The following TENM2 variants were observed in gnomAD, a reference collection of about 807,000 sequenced individuals.
The protein encoded by TENM2 is teneurin-2.
A neutral mutation model predicts 245.2 loss-of-function variants in TENM2; 52 were observed. That is an observed-to-expected ratio of 0.21 (90% CI 0.17 to 0.27). The LOEUF (loss-of-function observed/expected upper bound fraction) is 0.27, where lower values mean the gene tolerates loss of function less well. Among genes scored for constraint, TENM2 ranks in the 10% least tolerant of loss-of-function variants. The pLI is 1.00. For synonymous variants in TENM2, 1,363 were observed against 1,438.9 expected (o/e 0.95, Z 1.19); for missense variants, 3,046 against 3,666.8 (o/e 0.83, Z 4.37).
At chr5:168,054,900 C>T (rs1789409945) in intron 6 of TENM2, among the ~76,000 whole-genome samples, 1 of 152,146 alleles carries the variant, frequency 6.6e-6, no homozygotes, top group Admixed American at 6.6e-5. Flanking sequence ...ATGAACTAGC[C>T]AGAACAATTG....
chr5:167,687,197 G>T (rs1042208012), intron 2 of TENM2, among the ~76,000 whole-genome samples: 1 of 152,108 alleles, frequency 6.6e-6, no homozygotes, highest in East Asian at 1.9e-4. Flanking sequence ...GTTTAAGTTT[G>T]ATTTCTTTAA....
chr5:167,407,337 T>C (rs1303268134), intron 2 of TENM2, among the ~76,000 whole-genome samples: 3 of 152,154 alleles, frequency 2.0e-5, no homozygotes, highest in African/African-American at 7.2e-5. Context: ...TTTAGCAAAC[T>C]AGAACATAGG....
chr5:168,180,037 A>C (rs1759726375), intron 13 of TENM2, among the ~76,000 whole-genome samples: 1 of 152,162 alleles, frequency 6.6e-6, no homozygotes, highest in Non-Finnish European at 1.5e-5. Context: ...CTGAACTGAT[A>C]TGCTAGTAGT....
the TENM2 span, among the ~76,000 whole-genome samples, chr5:167,180,991 T>C: frequency 6.6e-6 from 1 of 151,896 alleles, no homozygotes; most frequent in Admixed American, 6.6e-5. Context: ...CCACATGTAA[T>C]GGGACCTACG....
intron 4 of TENM2, among the ~76,000 whole-genome samples, chr5:167,975,148 G>A (rs73375621): frequency 1.3e-4 from 20 of 152,278 alleles, no homozygotes; most frequent in African/African-American, 2.6e-4. Flanking sequence ...ACCATGCCTC[G>A]GCTTGTCCAA....
intron 4 of TENM2, among the ~76,000 whole-genome samples, chr5:167,979,010 A>G (rs1318924349): frequency 1.3e-5 from 2 of 152,226 alleles, no homozygotes; most frequent in Admixed American, 1.3e-4. Flanking sequence ...AAGTCACAAC[A>G]CAAAATACCC....
intron 2 of TENM2, among the ~76,000 whole-genome samples, chr5:167,756,187 C>A (rs780945416): frequency 2.0e-5 from 3 of 152,098 alleles, no homozygotes; most frequent in Non-Finnish European, 4.4e-5. Context: ...TAGACACAAC[C>A]AAACAAACCT....
chr5:167,900,931 G>T (rs112822331), intron 3 of TENM2, among the ~76,000 whole-genome samples: 11 of 152,100 alleles, frequency 7.2e-5, no homozygotes, highest in Admixed American at 3.3e-4. Context: ...CTCCTGAGGA[G>T]TCCTGCGGGG....
chr5:168,237,439 CT>C (rs1308155265), intron 25 of TENM2, among the ~76,000 whole-genome samples: 1 of 152,046 alleles, frequency 6.6e-6, no homozygotes, highest in African/African-American at 2.4e-5. Flanking sequence ...GCACCAAGCA[CT>C]TTCCAAAACA....
intron 2 of TENM2, among the ~76,000 whole-genome samples, chr5:167,862,485 G>A (rs1192094158): frequency 6.6e-6 from 1 of 152,234 alleles, no homozygotes; most frequent in African/African-American, 2.4e-5. Context: ...AGGATGAGTA[G>A]CCATGTGGCT....
chr5:167,236,862 C>A, the TENM2 span, among the ~76,000 whole-genome samples: 1 of 151,540 alleles, frequency 6.6e-6, no homozygotes. Flanking sequence ...TTCCACTCAG[C>A]CTGTCTCTAC....
At chr5:167,516,746 A>G (rs1156287076) in intron 2 of TENM2, among the ~76,000 whole-genome samples, 1 of 152,154 alleles carries the variant, frequency 6.6e-6, no homozygotes, top group Non-Finnish European at 1.5e-5. Flanking sequence ...GGGTTTTCGC[A>G]TCATATTCAA....
At chr5:168,090,330 A>C (rs1483144901) in intron 7 of TENM2, among the ~76,000 whole-genome samples, 1 of 152,064 alleles carries the variant, frequency 6.6e-6, no homozygotes, top group African/African-American at 2.4e-5. Context: ...AGGATAACAG[A>C]CAAGAGATTG....
intron 2 of TENM2, among the ~76,000 whole-genome samples, chr5:167,815,135 C>A (rs1324955881): frequency 2.0e-5 from 3 of 152,164 alleles, no homozygotes; most frequent in African/African-American, 7.2e-5. Flanking sequence ...GAAAATCACA[C>A]ATGTTCATGC....
At chr5:167,056,476 TTA>T in the TENM2 span, among the ~76,000 whole-genome samples, 13 of 146,184 alleles carry the variant, frequency 8.9e-5, no homozygotes, top group East Asian at 7.8e-4. Context: ...TATATATGTA[TTA>T]TATATATTAT....
chr5:167,687,232 T>C (rs902428602), intron 2 of TENM2, among the ~76,000 whole-genome samples: 1 of 152,216 alleles, frequency 6.6e-6, no homozygotes, highest in African/African-American at 2.4e-5. Context: ...ATCAAAATGG[T>C]ACCAATGTCA....
At chr5:168,228,002 A>C in exon 25 of TENM2, 1 of 1,613,856 alleles carries the variant, frequency 6.2e-7, no homozygotes, top group Non-Finnish European at 8.5e-7. Context: ...CCTAGCGGGC[A>C]CCATCACCCC....
intron 1 of TENM2, among the ~76,000 whole-genome samples, chr5:167,345,892 C>CAAAAAAAAAA (rs57279945): frequency 1.5e-5 from 1 of 67,962 alleles, no homozygotes; most frequent in African/African-American, 5.6e-5. Context: ...AACATACAGC[C>CAAAAAAAAAA]AAAAAAAAAA....
chr5:167,675,733 CT>C (rs1341214621), intron 2 of TENM2, among the ~76,000 whole-genome samples: 1 of 152,020 alleles, frequency 6.6e-6, no homozygotes, highest in Non-Finnish European at 1.5e-5. Flanking sequence ...ATAATAGTAC[CT>C]AGCTCAAAGG....
Sources: gnomAD v4.1 joint callset for allele counts (sites outside exome capture counted in the v4.1 genomes callset) on GRCh38, gnomAD v4.1.1 for gene constraint, MANE v1.5 for transcripts, NCBI Gene and HGNC (gene_info 2026-07-23, HGNC 2026-07-21) for gene names.